The following EEF1AKMT3 variants were observed in gnomAD, a reference collection of about 807,000 sequenced individuals.
EEF1AKMT3 encodes the protein EEF1A lysine methyltransferase 3, also known as eEF1A-KMT3.
EEF1AKMT3 carries 17 observed loss-of-function variants against 17.8 expected under a neutral mutation model. The ratio of observed to expected loss-of-function variants is 0.96; its 90% CI spans 0.65 to 1.43. The LOEUF is 1.43. Among genes scored for constraint, EEF1AKMT3 ranks in the 40% most tolerant of loss-of-function variants. EEF1AKMT3 has a pLI of 0.00. For missense variants in EEF1AKMT3, 244 were observed against 285.8 expected, an observed-to-expected ratio of 0.85 and a Z score of 1.06; for synonymous variants, 116 against 126.5, an observed-to-expected ratio of 0.92 and a Z score of 0.56.
intron 2 of EEF1AKMT3, among the ~76,000 whole-genome samples, chr12:57,773,377 A>G (rs1270922210): frequency 6.6e-6 from 1 of 151,484 alleles, no homozygotes; most frequent in African/African-American, 2.4e-5. Flanking sequence ...AAACTCAGGC[A>G]GGCCTATAAG....
intron 2 of EEF1AKMT3, chr12:57,774,813 TG>T (rs754838509): frequency 1.2e-5 from 18 of 1,550,100 alleles, no homozygotes; most frequent in Non-Finnish European, 1.6e-5. Flanking sequence ...TCAGAAACAC[TG>T]GAGGGTGCCG....
At chr12:57,777,385 C>T (rs1032222692) in intron 2 of EEF1AKMT3, among the ~76,000 whole-genome samples, 1 of 152,166 alleles carries the variant, frequency 6.6e-6, no homozygotes, top group Non-Finnish European at 1.5e-5. Flanking sequence ...AGTTCCTCTC[C>T]TCCTATTCTT....
At chr12:57,775,844 C>G (rs903579867) in intron 2 of EEF1AKMT3, among the ~76,000 whole-genome samples, 6 of 152,156 alleles carry the variant, frequency 3.9e-5, no homozygotes, top group African/African-American at 1.4e-4. Context: ...AGTGGGAAAC[C>G]TAGACATCAC....
chr12:57,780,344 C>G lies in EEF1AKMT3; in HGVS notation c.379C>G (p.Gln127Glu). 2 of 1,614,214 alleles carry G rather than the reference C, an allele frequency of 1.2e-6. No individual in the cohort carries two copies. Among genetic ancestry groups the G allele is most frequent in the Non-Finnish European group, 1.7e-6 (2 of 1,180,034 alleles). The change falls in exon 3 of 3, where the codon CAG becomes GAG. Residue 127 changes from glutamine (Q) to glutamate (E), a missense_variant. Transcript: ENST00000300209. ...CAATGTGCCAGCTGGAGGCCAGGCCCAGGTGCGTGCCTTGTCCTGGGGGAT... is the reference window on the plus strand; with the variant it reads ...CAATGTGCCAGCTGGAGGCCAGGCCGAGGTGCGTGCCTTGTCCTGGGGGAT... Reference protein sequence around the residue: ...QANVPAGGQAQVRALSWGIDH... With the variant: ...QANVPAGGQAEVRALSWGIDH...
At chr12:57,775,972 A>G (rs770727859) in intron 2 of EEF1AKMT3, among the ~76,000 whole-genome samples, 1 of 152,078 alleles carries the variant, frequency 6.6e-6, no homozygotes, top group Non-Finnish European at 1.5e-5. Context: ...CCAAACCACC[A>G]CGATCACTTG....
chr12:57,772,664 C>A lies in EEF1AKMT3; in HGVS notation c.-61C>A, dbSNP rs543251432. ...GGCTCGCGGCCCCCAGCCTCTACCC[C>A]GCTCCGGATCCGGGATCTGAGCGCC... is the stretch of plus-strand genomic sequence containing the variant. On this transcript the variant is annotated 5_prime_UTR_variant, in exon 1 of 3. Transcript: ENST00000300209. This position sits in a 1 kb window ranked among gnomAD's most constrained non-coding sequence, Gnocchi z 4.1. 1.4e-3 allele frequency: 2,130 copies of A among 1,528,214 alleles called. 4 individuals are homozygous for A. The highest frequency in any genetic ancestry group is 1.7e-3 in the Non-Finnish European group (1,988 of 1,136,974). The allele number at this position is 1,528,214 out of a possible 1,614,324, so 94.7% of individuals were successfully genotyped here.
rs942514795 is a variant in EEF1AKMT3, at chr12:57,772,939, G to A, written c.177+38G>A. 6.2e-7 allele frequency: 1 copy of A among 1,612,968 alleles called. No homozygotes were observed. Among genetic ancestry groups the A allele is most frequent in the Non-Finnish European group, 8.5e-7 (1 of 1,179,106 alleles). ...CTGCGCCGGGTGAGGGTCCGTGGGAGGTCCAGATCCCGGACTCCGCCTCTC... is the reference window on the plus strand; with the variant it reads ...CTGCGCCGGGTGAGGGTCCGTGGGAAGTCCAGATCCCGGACTCCGCCTCTC... On this transcript the variant is annotated intron_variant, in intron 1 of 2. Transcript: ENST00000300209. This position sits in a 1 kb window ranked among gnomAD's most constrained non-coding sequence, Gnocchi z 4.1.
chr12:57,773,209 G>T, intron 2 of EEF1AKMT3, 81 bp downstream of exon 2: 1 of 1,360,548 alleles, frequency 7.3e-7, no homozygotes, highest in Non-Finnish European at 1.1e-6. Context: ...CTTTGGGGGA[G>T]AGGGGAGAAC....
At chr12:57,774,969 G>A (rs12297574) in intron 2 of EEF1AKMT3, among the ~76,000 whole-genome samples, 3,476 of 151,846 alleles carry the variant, frequency 0.023, 134 homozygotes, top group African/African-American at 0.08. Flanking sequence ...GCCGGGTGTG[G>A]TGGTGCATGC....
chr12:57,775,911 A>C (rs546749766), intron 2 of EEF1AKMT3, among the ~76,000 whole-genome samples: 1 of 152,150 alleles, frequency 6.6e-6, no homozygotes, highest in East Asian at 1.9e-4. Context: ...ATCTCCTAAA[A>C]ATTTCTTAAA....
chr12:57,777,647 G>T (rs1955488128), intron 2 of EEF1AKMT3, among the ~76,000 whole-genome samples: 1 of 152,190 alleles, frequency 6.6e-6, no homozygotes, highest in South Asian at 2.1e-4. Flanking sequence ...GAGTGCCCCA[G>T]GGCTCAGGGG....
Position 57,780,461 on chromosome 12 carries a change from C to G in EEF1AKMT3, c.496C>G (p.Leu166Val). Residue 166 changes from leucine (L) to valine (V), a missense_variant, in exon 3 of 3, where the codon CTC (leucine) becomes GTC (valine). Physicochemically the swap from Leu to Val is conservative, Grantham distance 32. Coordinates refer to ENST00000300209, the MANE Select transcript of EEF1AKMT3 (RefSeq NM_015433.3). ...EPTFPLLLGT[L>V]QHLCRPHGTI... ...CACCTTCCCTCTGCTGCTGGGGACC[C>G]TCCAACACCTGTGCAGGCCCCATGG... 1.2e-6 allele frequency: 2 copies of G among 1,614,190 alleles called. No homozygotes were observed. Among genetic ancestry groups the G allele is most frequent in the Non-Finnish European group, 1.7e-6 (2 of 1,180,034 alleles).
intron 2 of EEF1AKMT3, among the ~76,000 whole-genome samples, chr12:57,774,935 A>G (rs1039045480): frequency 1.3e-5 from 2 of 151,808 alleles, no homozygotes; most frequent in African/African-American, 4.8e-5. Context: ...GAGAAACCCC[A>G]TCTCTACTAA....
At position 57,772,802 on chromosome 12, in the gene EEF1AKMT3, T is replaced by C. The variant is rs777499796; in HGVS notation, c.78T>C (p.Ser26=). ...FPREVGLFAD[S]YSEKSQFCFC... ...GGGAGGTCGGGCTCTTTGCAGACTC[T>C]TACTCGGAGAAGAGCCAGTTCTGTT... Residue 26 remains serine, a synonymous_variant, in exon 1 of 3, where the codon TCT becomes TCC. Transcript: ENST00000300209. This position sits in a 1 kb window ranked among gnomAD's most constrained non-coding sequence, Gnocchi z 4.1. 6.2e-7 allele frequency: 1 copy of C among 1,614,178 alleles called. No homozygotes were observed. The highest frequency in any genetic ancestry group is 2.2e-5 in the East Asian group (1 of 44,878).
At chr12:57,779,522 G>A (rs1052147533) in intron 2 of EEF1AKMT3, among the ~76,000 whole-genome samples, 5 of 152,032 alleles carry the variant, frequency 3.3e-5, no homozygotes, top group Admixed American at 6.6e-5. Context: ...GCAGTACCTA[G>A]TGTGTCTCTA....
At chr12:57,773,679 C>T (rs541707916) in intron 2 of EEF1AKMT3, among the ~76,000 whole-genome samples, 28 of 152,168 alleles carry the variant, frequency 1.8e-4, no homozygotes, top group African/African-American at 6.0e-4. Context: ...ATCTGCCTCG[C>T]GAGGCGCCTG....
rs770708811 is a variant in EEF1AKMT3 at position 57,782,060 on chromosome 12, C to G, written c.*1414C>G. The G allele has an allele frequency of 2.6e-5, 4 of 152,158 alleles. No individual in the cohort carries two copies. The highest frequency in any genetic ancestry group is 5.9e-5 in the Non-Finnish European group (4 of 68,014). 9.4% of individuals were successfully genotyped at this position (152,158 alleles called of 1,614,324 possible). On this transcript the variant is annotated 3_prime_UTR_variant, in exon 3 of 3. Transcript: ENST00000300209. The stretch of plus-strand genomic sequence containing the variant: ...AGATGTACTCTTTGTTCTCTAAAAC[C>G]ACACTAAAGTTTTCTGACTTCTTTC...
In EEF1AKMT3 at chr12:57,772,919, C is replaced by T. The variant is rs766939644; in HGVS notation, c.177+18C>T. ...GGGACGCGGTGAGGAATGGGCTGCGCCGGGTGAGGGTCCGTGGGAGGTCCA... is the reference window on the plus strand; with the variant it reads ...GGGACGCGGTGAGGAATGGGCTGCGTCGGGTGAGGGTCCGTGGGAGGTCCA... On this transcript the variant is annotated intron_variant, in intron 1 of 2. Transcript: ENST00000300209. The surrounding 1 kb of genome is among the most constrained non-coding windows in gnomAD (Gnocchi z 4.1). 1.9e-5 allele frequency: 30 copies of T among 1,613,468 alleles called. No individual in the cohort carries two copies. In the South Asian group the frequency reaches 3.3e-4, roughly 18 times the overall value.
chr12:57,778,019 CAAA>C (rs35823549), intron 2 of EEF1AKMT3, among the ~76,000 whole-genome samples: 6 of 85,418 alleles, frequency 7.0e-5, no homozygotes, highest in Non-Finnish European at 9.0e-5. Context: ...GACTCCATCT[CAAA>C]AAAAAAAAAA....
Sources: allele counts gnomAD v4.1 joint callset (sites outside exome capture counted in the v4.1 genomes callset), GRCh38; gene constraint gnomAD v4.1.1; non-coding constraint Gnocchi (gnomAD v3.1); transcripts MANE v1.5; gene names NCBI Gene and HGNC (gene_info 2026-07-23, HGNC 2026-07-21).